KCNA6: variants seen among roughly 807,000 people sequenced by gnomAD.
KCNA6 encodes potassium voltage-gated channel subfamily A member 6.
In KCNA6, 17 loss-of-function variants were observed where a neutral mutation model predicts 29.5. That is an observed-to-expected ratio of 0.58 (90% confidence interval 0.39 to 0.86). The LOEUF is 0.86. KCNA6 is among the 40% of genes least tolerant of loss of function. The pLI is 0.00. For synonymous variants in KCNA6, 296 were observed against 304.7 expected, an observed-to-expected ratio of 0.97 and a Z score of 0.30; for missense variants, 450 against 703.4, an observed-to-expected ratio of 0.64 and a Z score of 4.07.
chr12:4,837,330 G>A, the KCNA6 span, among the ~76,000 whole-genome samples: 1 of 152,298 alleles, frequency 6.6e-6, no homozygotes, highest in African/African-American at 2.4e-5. Flanking sequence ...ATAAATGTAA[G>A]TAAGTTTCCT....
chr12:4,843,751 A>T, the KCNA6 span, among the ~76,000 whole-genome samples: 1 of 152,186 alleles, frequency 6.6e-6, no homozygotes, highest in African/African-American at 2.4e-5. Flanking sequence ...CAAGAGAGCG[A>T]GGTGGGCAGT....
chr12:4,816,849 C>G (rs890475227), downstream of KCNA6, among the ~76,000 whole-genome samples: 1 of 152,140 alleles, frequency 6.6e-6, no homozygotes, highest in Non-Finnish European at 1.5e-5. Flanking sequence ...TGATTCTCTC[C>G]CAGACTCTGA....
chr12:4,827,111 TTCC>T, the KCNA6 span, among the ~76,000 whole-genome samples: 68 of 147,220 alleles, frequency 4.6e-4, no homozygotes, highest in African/African-American at 1.6e-3. Flanking sequence ...TCTTCCCTCC[TTCC>T]TCCTTCTTTC....
chr12:4,830,065 G>C, the KCNA6 span, among the ~76,000 whole-genome samples: 1 of 152,148 alleles, frequency 6.6e-6, no homozygotes, highest in Non-Finnish European at 1.5e-5. Flanking sequence ...TGATGCTCGC[G>C]AGGCTCTTTC....
the KCNA6 span, among the ~76,000 whole-genome samples, chr12:4,832,574 G>T: frequency 6.6e-6 from 1 of 152,164 alleles, no homozygotes; most frequent in Admixed American, 6.5e-5. Context: ...ATGAACATTT[G>T]CAGGCCTGCA....
chr12:4,841,833 T>C, the KCNA6 span, among the ~76,000 whole-genome samples: 2 of 152,266 alleles, frequency 1.3e-5, no homozygotes, highest in East Asian at 3.9e-4. Flanking sequence ...ATGGTAGAGA[T>C]GAGACAGGTG....
At chr12:4,836,974 A>G in the KCNA6 span, among the ~76,000 whole-genome samples, 1 of 152,186 alleles carries the variant, frequency 6.6e-6, no homozygotes, top group Non-Finnish European at 1.5e-5. Flanking sequence ...TATGTCAATG[A>G]GTTTAATGAT....
At chr12:4,834,030 G>A in the KCNA6 span, among the ~76,000 whole-genome samples, 2 of 151,478 alleles carry the variant, frequency 1.3e-5, no homozygotes, top group Non-Finnish European at 2.9e-5. Flanking sequence ...TCAGGCCCAA[G>A]GGCTCCTCTC....
At chr12:4,846,811 C>T in the KCNA6 span, among the ~76,000 whole-genome samples, 3 of 130,644 alleles carry the variant, frequency 2.3e-5, no homozygotes, top group Non-Finnish European at 4.6e-5. Flanking sequence ...CGGAGTCTCG[C>T]TCTGTTGCCC....
At chr12:4,814,848 G>A (rs1357489802), downstream of KCNA6, 1 of 166,902 alleles carries the variant, frequency 6.0e-6, no homozygotes, top group South Asian at 2.1e-4. The surrounding 1 kb of genome is among the most constrained non-coding windows in gnomAD (Gnocchi z 4.6). Flanking sequence ...AGAACGGGGT[G>A]GGGAGAGAGA....
At chr12:4,844,421 C>T in the KCNA6 span, among the ~76,000 whole-genome samples, 3 of 152,126 alleles carry the variant, frequency 2.0e-5, no homozygotes, top group South Asian at 2.1e-4. The surrounding 1 kb of genome is among the most constrained non-coding windows in gnomAD (Gnocchi z 4.0). Flanking sequence ...TGGGAGAAGG[C>T]GGTGACCTTA....
Position 4,810,883 on chromosome 12 carries a change from G to A in KCNA6, c.842G>A (p.Arg281His). The change falls in exon 1 of 1, where the codon CGC becomes CAC. Residue 281 changes from arginine (R) to histidine (H), a missense_variant. Arg to His is a conservative substitution (Grantham distance 29). This residue lies in a region of KCNA6 where 46 missense variants were observed against 80.2 expected (regional missense o/e 0.57). Coordinates refer to ENST00000280684, the Ensembl canonical transcript of KCNA6. This position sits in a 1 kb window ranked among gnomAD's most constrained non-coding sequence, Gnocchi z 7.5. ...TGGTTCACTTTTGAGCTCCTGGTGCGCTTCTCCGCCTGCCCTAGCAAGCCG... is the reference window on the plus strand; with the variant it reads ...TGGTTCACTTTTGAGCTCCTGGTGCACTTCTCCGCCTGCCCTAGCAAGCCG... 1.9e-6 allele frequency: 3 copies of A among 1,613,652 alleles called. No individual in the cohort carries two copies. The highest frequency in any genetic ancestry group is 2.5e-6 in the Non-Finnish European group (3 of 1,179,758).
the KCNA6 span, among the ~76,000 whole-genome samples, chr12:4,819,534 G>C: frequency 1.3e-5 from 2 of 152,178 alleles, no homozygotes; most frequent in African/African-American, 4.8e-5. Context: ...GAGACAGGAG[G>C]CCTCGTAGTT....
At chr12:4,819,412 G>A in the KCNA6 span, among the ~76,000 whole-genome samples, 1,205 of 152,306 alleles carry the variant, frequency 7.9e-3, 11 homozygotes, top group African/African-American at 0.027. Context: ...GGTCCTCACC[G>A]TCAGCATGCA....
At chr12:4,835,075 A>G in the KCNA6 span, among the ~76,000 whole-genome samples, 1 of 114,662 alleles carries the variant, frequency 8.7e-6, no homozygotes, top group Non-Finnish European at 1.8e-5. Context: ...GAGTCTATAT[A>G]GGAGGGAAGC....
At chr12:4,850,595 G>A in the KCNA6 span, 1 of 317,032 alleles carries the variant, frequency 3.2e-6, no homozygotes, top group Non-Finnish European at 6.4e-6. The surrounding 1 kb of genome is among the most constrained non-coding windows in gnomAD (Gnocchi z 5.4). Context: ...CTAAGGATGG[G>A]GACTCGGTAG....
Position 4,811,245 on chromosome 12 carries a change from G to A in KCNA6, c.1204G>A (p.Asp402Asn). The change falls in exon 1 of 1, where the codon GAC becomes AAC. Residue 402 changes from aspartate (D) to asparagine (N), a missense_variant. By Grantham distance (23) the Asp-to-Asn change is conservative. This residue lies in a region of KCNA6 where 57 missense variants were observed against 140.3 expected (regional missense o/e 0.41). Coordinates refer to ENST00000280684, the Ensembl canonical transcript of KCNA6. This position sits in a 1 kb window ranked among gnomAD's most constrained non-coding sequence, Gnocchi z 7.1. ...CGTCTACTTCGCAGAGGCTGACGAT[G>A]ACGATTCGCTTTTTCCCAGCATCCC... is the stretch of plus-strand genomic sequence containing the variant. The A allele has an allele frequency of 6.2e-7, 1 of 1,614,236 alleles. No individual in the cohort carries two copies. The highest frequency in any genetic ancestry group is 2.2e-5 in the East Asian group (1 of 44,884).
chr12:4,835,210 C>T, the KCNA6 span, among the ~76,000 whole-genome samples: 2 of 135,938 alleles, frequency 1.5e-5, no homozygotes, highest in Non-Finnish European at 3.1e-5. Flanking sequence ...TCTCTGCTCA[C>T]TGCAAGCTCT....
At chr12:4,816,751 A>G (rs1222631501), downstream of KCNA6, among the ~76,000 whole-genome samples, 2 of 152,120 alleles carry the variant, frequency 1.3e-5, no homozygotes, top group African/African-American at 2.4e-5. Context: ...TAACAGCCCT[A>G]TGAAGAGGTC....
Sources: allele counts gnomAD v4.1 joint callset (sites outside exome capture counted in the v4.1 genomes callset), GRCh38; gene constraint gnomAD v4.1.1; regional missense constraint gnomAD v4.1.1; non-coding constraint Gnocchi (gnomAD v3.1); transcripts MANE v1.5; gene names NCBI Gene and HGNC (gene_info 2026-07-23, HGNC 2026-07-21).